SUGCT: variants seen among roughly 807,000 people sequenced by gnomAD.
SUGCT encodes succinyl-CoA:glutarate-CoA transferase.
In SUGCT, 41 loss-of-function variants were observed where a neutral mutation model predicts 55.0. The ratio of observed to expected loss-of-function variants is 0.74; its 90% CI spans 0.58 to 0.97. SUGCT has a LOEUF of 0.97. SUGCT is among the 50% of genes least tolerant of loss of function. The pLI is 0.00. For missense variants in SUGCT, 568 were observed against 547.8 expected, an observed-to-expected ratio of 1.04 and a Z score of -0.37; for synonymous variants, 187 against 200.4, an observed-to-expected ratio of 0.93 and a Z score of 0.56.
At chr7:40,441,036 T>C (rs573955751) in intron 9 of SUGCT, among the ~76,000 whole-genome samples, 1 of 152,302 alleles carries the variant, frequency 6.6e-6, no homozygotes, top group South Asian at 2.1e-4. Flanking sequence ...CTTATGTGAA[T>C]GTTTGATTAG....
At chr7:40,887,860 G>C in the SUGCT span, among the ~76,000 whole-genome samples, 4 of 152,130 alleles carry the variant, frequency 2.6e-5, no homozygotes, top group East Asian at 5.8e-4. Context: ...CAATAAATTT[G>C]AATGAAAAGC....
At chr7:40,937,939 T>C in the SUGCT span, among the ~76,000 whole-genome samples, 1 of 152,218 alleles carries the variant, frequency 6.6e-6, no homozygotes, top group Non-Finnish European at 1.5e-5. Flanking sequence ...AGGCATTAGT[T>C]AGATTCTCAT....
chr7:41,002,824 A>G, the SUGCT span, among the ~76,000 whole-genome samples: 1 of 152,110 alleles, frequency 6.6e-6, no homozygotes, highest in Non-Finnish European at 1.5e-5. Context: ...TGAAATAGGG[A>G]CAGCTTGAAA....
intron 9 of SUGCT, among the ~76,000 whole-genome samples, chr7:40,407,301 G>A (rs1786425222): frequency 6.6e-6 from 1 of 151,954 alleles, no homozygotes; most frequent in Non-Finnish European, 1.5e-5. Context: ...CCAAAAGCTG[G>A]ATGAAATGGC....
At chr7:40,807,072 ATTGGTAATAGCAGTAGTGTTAGTAG>A (rs1357353154) in intron 13 of SUGCT, among the ~76,000 whole-genome samples, 2 of 152,230 alleles carry the variant, frequency 1.3e-5, no homozygotes, top group African/African-American at 4.8e-5. Flanking sequence ...AAAGATGCTA[ATTGGTAATAGCAGTAGTGTTAGTAG>A]TGGTAGTAGT....
chr7:41,014,000 AT>A, the SUGCT span, among the ~76,000 whole-genome samples: 1 of 152,156 alleles, frequency 6.6e-6, no homozygotes, highest in East Asian at 1.9e-4. Flanking sequence ...TTTTGACTTA[AT>A]TTGGTGACAG....
chr7:40,368,435 G>A (rs1784123421), intron 9 of SUGCT, among the ~76,000 whole-genome samples: 1 of 152,038 alleles, frequency 6.6e-6, no homozygotes, highest in Non-Finnish European at 1.5e-5. Flanking sequence ...TTGACCTTGT[G>A]ATCCCTCCTC....
Position 40,377,128 on chromosome 7 carries a change from C to CTTTCTTTCTTTCTT in SUGCT, c.816+60274_816+60275insTTCTTTCTTTCTTT, listed in dbSNP as rs1491225270. Among the ~76,000 whole-genome samples, 36 of 6,324 alleles carry CTTTCTTTCTTTCTT rather than the reference C, an allele frequency of 5.7e-3. 15 individuals are homozygous for CTTTCTTTCTTTCTT. Among genetic ancestry groups the CTTTCTTTCTTTCTT allele is most frequent in the Admixed American group, 0.015 (4 of 272 alleles). 4.1% of individuals were successfully genotyped at this position (6,324 alleles called of 152,430 possible). A position where few individuals can be genotyped will look rare whatever the true frequency, so the allele number is the denominator to read the frequency against. ...CTTGGAAAGGAAATTTTCAGCCTTCCTCTTTCTTTCTTTCTTTCTTTCTTT... is the reference window on the plus strand; with the variant it reads ...CTTGGAAAGGAAATTTTCAGCCTTCCTTTCTTTCTTTCTTTCTTTCTTTCTTTCTTTCTTTCTTT... On this transcript the variant is annotated intron_variant, in intron 9 of 13. Coordinates refer to ENST00000335693, the MANE Select transcript of SUGCT (RefSeq NM_001193313.2).
At chr7:41,022,075 A>T in the SUGCT span, among the ~76,000 whole-genome samples, 1 of 151,416 alleles carries the variant, frequency 6.6e-6, no homozygotes, top group African/African-American at 2.4e-5. Flanking sequence ...GAATTGATTA[A>T]AGTAATCAGT....
chr7:40,699,568 G>T (rs933353333), intron 12 of SUGCT, among the ~76,000 whole-genome samples: 1 of 152,110 alleles, frequency 6.6e-6, no homozygotes, highest in African/African-American at 2.4e-5. Context: ...ATATATAAAG[G>T]GTGTTTAAAT....
At position 40,643,239 on chromosome 7, in the gene SUGCT, C is replaced by T. The variant is rs151312529; in HGVS notation, c.1090-106195C>T. Reference sequence around the variant, plus strand: ...TGGTATTAATAATATAAGTCCCTTTCAAGTGACTTGAAGCTCTCTGTGTTG... The same window carrying T: ...TGGTATTAATAATATAAGTCCCTTTTAAGTGACTTGAAGCTCTCTGTGTTG... On this transcript the variant is annotated intron_variant, in intron 12 of 13. Transcript: ENST00000335693. Among the ~76,000 whole-genome samples, 645 of 152,266 alleles carry T rather than the reference C, an allele frequency of 4.2e-3. 3 individuals carry two copies. The highest frequency in any genetic ancestry group is 0.015 in the African/African-American group (618 of 41,544).
chr7:40,369,103 T>G (rs1026609995), intron 9 of SUGCT, among the ~76,000 whole-genome samples: 6 of 142,568 alleles, frequency 4.2e-5, no homozygotes, highest in African/African-American at 1.5e-4. Flanking sequence ...GACTCTATCT[T>G]AAAAAAAAAA....
chr7:40,970,800 A>G, the SUGCT span, among the ~76,000 whole-genome samples: 1 of 152,142 alleles, frequency 6.6e-6, no homozygotes, highest in African/African-American at 2.4e-5. Context: ...AGGAGATGCA[A>G]GAAATCAAAA....
At chr7:40,763,572 T>A (rs1255005134) in intron 13 of SUGCT, among the ~76,000 whole-genome samples, 1 of 152,188 alleles carries the variant, frequency 6.6e-6, no homozygotes, top group Non-Finnish European at 1.5e-5. Context: ...CCAGGGGTGT[T>A]ACTCAGGCTT....
chr7:40,810,857 C>A (rs1456669642), intron 13 of SUGCT, among the ~76,000 whole-genome samples: 1 of 152,044 alleles, frequency 6.6e-6, no homozygotes, highest in African/African-American at 2.4e-5. Context: ...TCTAGAATGG[C>A]ATTTCCTGTT....
chr7:40,529,700 A>G (rs1028453687), intron 12 of SUGCT, among the ~76,000 whole-genome samples: 1 of 152,028 alleles, frequency 6.6e-6, no homozygotes, highest in African/African-American at 2.4e-5. Flanking sequence ...TTTTTTTTCC[A>G]TGTATAAGAA....
chr7:40,496,545 G>T (rs989114673), intron 12 of SUGCT, among the ~76,000 whole-genome samples, 159 bp downstream of exon 12: 1 of 152,092 alleles, frequency 6.6e-6, no homozygotes, highest in African/African-American at 2.4e-5. Flanking sequence ...CCAGAACTTA[G>T]AAGTGCCTGT....
chr7:40,435,945 C>CTTTTT (rs11297778), intron 9 of SUGCT, among the ~76,000 whole-genome samples: 3 of 114,582 alleles, frequency 2.6e-5, no homozygotes, highest in African/African-American at 9.5e-5. Context: ...CTTTTCTTTT[C>CTTTTT]TTTTTTTTTT....
intron 9 of SUGCT, among the ~76,000 whole-genome samples, chr7:40,392,461 G>C (rs1029094793): frequency 6.6e-6 from 1 of 151,972 alleles, no homozygotes; most frequent in Admixed American, 6.6e-5. Flanking sequence ...GGTAATGGGT[G>C]GGGGGAAGAA....
Sources: allele counts gnomAD v4.1 joint callset (sites outside exome capture counted in the v4.1 genomes callset), GRCh38; gene constraint gnomAD v4.1.1; transcripts MANE v1.5; gene names NCBI Gene and HGNC (gene_info 2026-07-23, HGNC 2026-07-21).